The following SH3RF3 variants were observed in gnomAD, a reference collection of about 807,000 sequenced individuals.
SH3RF3 encodes SH3 domain containing ring finger 3.
In SH3RF3, 29 loss-of-function variants were observed where a neutral mutation model predicts 66.3. That is an observed-to-expected ratio of 0.44 (90% CI 0.33 to 0.60). The LOEUF is 0.60. SH3RF3 is among the 20% of genes least tolerant of loss of function. The pLI is 0.04. For missense variants in SH3RF3, 1,194 were observed against 1,190.9 expected (o/e 1.00, Z -0.04); for synonymous variants, 583 against 532.0 (o/e 1.10, Z -1.32).
At chr2:109,164,960 T>C (rs988227264) in intron 1 of SH3RF3, among the ~76,000 whole-genome samples, 39 of 152,168 alleles carry the variant, frequency 2.6e-4, no homozygotes, top group Non-Finnish European at 5.4e-4. Context: ...AGGTCGTAAT[T>C]GTTTTTCTTT....
At position 109,355,815 on chromosome 2, in the gene SH3RF3, G is replaced by A. The variant is rs1574594017; in HGVS notation, c.849+7866G>A. On this transcript the variant is annotated intron_variant, in intron 2 of 9. Transcript: ENST00000309415. ...AAAGCCCATTTGGTGTTTTGAGGAG[G>A]GGTATTTCTCCATATACTAATGAGT... Among the ~76,000 whole-genome samples the A allele has an allele frequency of 2.6e-5, 4 of 152,236 alleles. No homozygotes were observed. In the East Asian group the frequency reaches 5.8e-4, roughly 22 times the overall value.
rs1228409620 is a variant in SH3RF3, at chr2:109,268,828, A to T, written c.574-78846A>T. On this transcript the variant is annotated intron_variant, in intron 1 of 9. Transcript: ENST00000309415. ...GAGCATGTTTAAGGTGAGCCAGGCT[A>T]TGCTATGAGGTTTGCCAGGTTGGGT... Among the ~76,000 whole-genome samples, 30 of 152,126 alleles carry T rather than the reference A, an allele frequency of 2.0e-4. 1 individual carries two copies. Among genetic ancestry groups the T allele is most frequent in the Non-Finnish European group, 2.9e-5 (2 of 68,040 alleles).
At chr2:109,351,673 C>T (rs1425495113) in intron 2 of SH3RF3, among the ~76,000 whole-genome samples, 1 of 152,190 alleles carries the variant, frequency 6.6e-6, no homozygotes, top group Non-Finnish European at 1.5e-5. Context: ...CAGAGAGTGC[C>T]CGCTGATCAT....
At chr2:109,315,599 C>G (rs1681859641) in intron 1 of SH3RF3, among the ~76,000 whole-genome samples, 1 of 152,246 alleles carries the variant, frequency 6.6e-6, no homozygotes, top group Admixed American at 6.5e-5. Context: ...CTTTCAGAAA[C>G]TGTCAGTGAT....
intron 3 of SH3RF3, 88 bp from the exon 4 acceptor site, chr2:109,398,502 A>G: frequency 8.4e-7 from 1 of 1,197,242 alleles, no homozygotes; most frequent in Non-Finnish European, 1.2e-6. Flanking sequence ...CAGTTTGTGA[A>G]TGGAAATGTG....
chr2:109,374,458 A>C (rs549995289), intron 3 of SH3RF3, among the ~76,000 whole-genome samples: 8 of 152,170 alleles, frequency 5.3e-5, no homozygotes, highest in Non-Finnish European at 1.0e-4. Flanking sequence ...GTGGATCGGA[A>C]AGTCCTGGTT....
intron 1 of SH3RF3, among the ~76,000 whole-genome samples, chr2:109,240,786 C>T (rs1679759521): frequency 1.3e-5 from 2 of 151,980 alleles, no homozygotes; most frequent in South Asian, 4.2e-4. Flanking sequence ...CTCTCTAGAC[C>T]CTGAGGGGTT....
chr2:109,442,310 CAAAAAAAA>C (rs530557141), intron 7 of SH3RF3, among the ~76,000 whole-genome samples: 3 of 75,918 alleles, frequency 4.0e-5, no homozygotes, highest in South Asian at 4.5e-4. Flanking sequence ...GACTCCACCT[CAAAAAAAA>C]AAAAAAAAGA....
chr2:109,236,164 AT>A lies in SH3RF3; in HGVS notation c.573+106052del, dbSNP rs1345987231. Among the ~76,000 whole-genome samples the A allele has an allele frequency of 2.0e-5, 3 of 152,320 alleles. No homozygotes were observed. The East Asian group carries it at 5.8e-4, about 29-fold the overall frequency. ...CTGGGGGACATTTTTAGAACTCTTA[AT>A]CACTGCCAAAAGAAAGAAAACTTTC... is the stretch of plus-strand genomic sequence containing the variant. On this transcript the variant is annotated intron_variant, in intron 1 of 9. Coordinates refer to ENST00000309415, the MANE Select transcript of SH3RF3 (RefSeq NM_001099289.3).
At chr2:109,294,579 A>G (rs1681262640) in intron 1 of SH3RF3, among the ~76,000 whole-genome samples, 1 of 121,472 alleles carries the variant, frequency 8.2e-6, no homozygotes, top group East Asian at 2.4e-4. Flanking sequence ...AAAATTAATT[A>G]AAAAAAAGGT....
At chr2:109,271,268 A>C (rs72939503) in intron 1 of SH3RF3, among the ~76,000 whole-genome samples, 2,960 of 152,236 alleles carry the variant, frequency 0.019, 83 homozygotes, top group African/African-American at 0.068. Context: ...CTGGCCCTGC[A>C]CCCAGGAGTC....
At chr2:109,459,493 A>G (rs1334223896) in intron 8 of SH3RF3, among the ~76,000 whole-genome samples, 1 of 152,080 alleles carries the variant, frequency 6.6e-6, no homozygotes, top group Non-Finnish European at 1.5e-5. Context: ...ATAGTTTTCC[A>G]TTGACCTCAG....
chr2:109,218,034 G>A (rs1191308164), intron 1 of SH3RF3, among the ~76,000 whole-genome samples: 1 of 152,192 alleles, frequency 6.6e-6, no homozygotes, highest in Non-Finnish European at 1.5e-5. Flanking sequence ...GGTGCCACAA[G>A]TGAAGCAAGT....
intron 1 of SH3RF3, among the ~76,000 whole-genome samples, chr2:109,197,440 C>T (rs1399591516): frequency 5.3e-5 from 8 of 152,170 alleles, no homozygotes. Flanking sequence ...TATCTTGTTT[C>T]TTCATCAGTA....
At chr2:109,463,373 G>GC (rs1158351397) in intron 8 of SH3RF3, among the ~76,000 whole-genome samples, 1 of 152,192 alleles carries the variant, frequency 6.6e-6, no homozygotes, top group Admixed American at 6.5e-5. Context: ...TGTGGGCCCT[G>GC]CCCCCCTTGC....
intron 1 of SH3RF3, among the ~76,000 whole-genome samples, chr2:109,329,778 A>G (rs1218986153): frequency 6.6e-6 from 1 of 152,246 alleles, no homozygotes; most frequent in Non-Finnish European, 1.5e-5. Context: ...CTTTTCTTAC[A>G]TAGGCCCAGC....
chr2:109,401,772 A>C (rs1676323426), intron 4 of SH3RF3, among the ~76,000 whole-genome samples: 1 of 152,116 alleles, frequency 6.6e-6, no homozygotes, highest in Non-Finnish European at 1.5e-5. Context: ...TCATGTTGCC[A>C]TGGCCTCCGT....
intron 1 of SH3RF3, among the ~76,000 whole-genome samples, chr2:109,159,994 C>T (rs944092340): frequency 3.3e-5 from 5 of 152,228 alleles, no homozygotes; most frequent in Non-Finnish European, 5.9e-5. Flanking sequence ...AAATGTGATG[C>T]GCTTGAATCA....
intron 2 of SH3RF3, among the ~76,000 whole-genome samples, chr2:109,351,744 C>G (rs1682843348): frequency 6.6e-6 from 1 of 152,212 alleles, no homozygotes; most frequent in Admixed American, 6.5e-5. Context: ...AGCCCTAATC[C>G]CTACCAGGTG....
Sources: allele counts gnomAD v4.1 joint callset (sites outside exome capture counted in the v4.1 genomes callset), GRCh38; gene constraint gnomAD v4.1.1; transcripts MANE v1.5; gene names NCBI Gene and HGNC (gene_info 2026-07-23, HGNC 2026-07-21).